ATAD2B: variants seen among roughly 807,000 people sequenced by gnomAD.
The protein encoded by ATAD2B is ATPase family AAA domain-containing protein 2B.
In ATAD2B, 40 loss-of-function variants were observed where a neutral mutation model predicts 167.6. The ratio of observed to expected loss-of-function variants is 0.24; its 90% CI spans 0.19 to 0.31. The LOEUF (loss-of-function observed/expected upper bound fraction) is 0.31. ATAD2B is among the 10% of genes least tolerant of loss of function. ATAD2B has a pLI of 1.00. For missense variants in ATAD2B, 1,242 were observed against 1,757.2 expected (o/e 0.71, Z 5.24); for synonymous variants, 579 against 596.5 (o/e 0.97, Z 0.43).
the ATAD2B span, among the ~76,000 whole-genome samples, chr2:23,725,720 C>G: frequency 2.4e-4 from 36 of 152,178 alleles, no homozygotes; most frequent in Admixed American, 1.0e-3. Flanking sequence ...GAATAAGAAA[C>G]AGAGGAGACA....
At position 23,899,907 on chromosome 2, in the gene ATAD2B, C is replaced by G. The variant is rs551779228; in HGVS notation, c.217-3937G>C. Among the ~76,000 whole-genome samples the G allele has an allele frequency of 9.1e-4, 132 of 144,628 alleles. 1 individual carries two copies. The highest frequency in any genetic ancestry group is 3.3e-3 in the African/African-American group (131 of 39,630). The allele number at this position is 144,628 out of a possible 152,430, so 94.9% of individuals were successfully genotyped here. On this transcript the variant is annotated intron_variant, in intron 1 of 27. Transcript: ENST00000238789. ...CCCAGTAGTCCTTTCATTTCTAATACAGTTTTCTTACTTTTTTTTTTTTTT... is the reference window on the plus strand; with the variant it reads ...CCCAGTAGTCCTTTCATTTCTAATAGAGTTTTCTTACTTTTTTTTTTTTTT...
chr2:23,918,202 C>CAA (rs35163952), intron 1 of ATAD2B, among the ~76,000 whole-genome samples: 18,157 of 95,832 alleles, frequency 0.19, 1,818 homozygotes, highest in African/African-American at 0.24. Context: ...CTTGTCTCTA[C>CAA]AAAAAAAAAA....
downstream of ATAD2B, among the ~76,000 whole-genome samples, chr2:23,745,417 G>GAAGA (rs1558476184): frequency 1.2e-3 from 141 of 113,408 alleles, no homozygotes; most frequent in Admixed American, 2.8e-3. Context: ...AGGAAGGAAG[G>GAAGA]AAGGAAAGGG....
chr2:23,818,989 T>A (rs1687024497), intron 17 of ATAD2B, among the ~76,000 whole-genome samples: 1 of 152,212 alleles, frequency 6.6e-6, no homozygotes, highest in African/African-American at 2.4e-5. Flanking sequence ...TACTGAACAA[T>A]TTCTAAATCG....
At chr2:23,917,615 T>C (rs1315074144) in intron 1 of ATAD2B, among the ~76,000 whole-genome samples, 8 of 151,792 alleles carry the variant, frequency 5.3e-5, no homozygotes, top group Admixed American at 3.3e-4. Context: ...TTTTTTTTTT[T>C]CCCAAAGCCA....
intron 1 of ATAD2B, among the ~76,000 whole-genome samples, chr2:23,922,003 A>G (rs17046004): frequency 0.19 from 28,155 of 152,096 alleles, 2,697 homozygotes; most frequent in Middle Eastern, 0.26. Context: ...GAAAAGCACA[A>G]GGTGATAAAA....
the ATAD2B span, among the ~76,000 whole-genome samples, chr2:23,721,571 T>C: frequency 6.6e-6 from 1 of 151,854 alleles, no homozygotes; most frequent in Non-Finnish European, 1.5e-5. Flanking sequence ...CAGGCAGACA[T>C]ACCCCCAGGC....
chr2:23,904,573 T>A (rs1258087925), intron 1 of ATAD2B, among the ~76,000 whole-genome samples: 16 of 147,916 alleles, frequency 1.1e-4, no homozygotes, highest in African/African-American at 4.0e-4. Flanking sequence ...AAAGACAACC[T>A]GGCTTCTTAT....
the ATAD2B span, among the ~76,000 whole-genome samples, chr2:23,677,999 C>G: frequency 6.6e-6 from 1 of 152,252 alleles, no homozygotes; most frequent in Admixed American, 6.5e-5. Context: ...ATGGACTTCT[C>G]TGCTGCAAAG....
At chr2:23,712,123 A>T in the ATAD2B span, among the ~76,000 whole-genome samples, 1 of 152,164 alleles carries the variant, frequency 6.6e-6, no homozygotes, top group African/African-American at 2.4e-5. Flanking sequence ...GACCTTAAGC[A>T]GAGAGCAGGT....
At chr2:23,903,226 A>G (rs1701041796) in intron 1 of ATAD2B, among the ~76,000 whole-genome samples, 1 of 143,522 alleles carries the variant, frequency 7.0e-6, no homozygotes, top group African/African-American at 2.5e-5. Flanking sequence ...ACAGAGCAAG[A>G]CTGTGTCTCA....
intron 18 of ATAD2B, 69 bp downstream of exon 18, chr2:23,810,247 A>C: frequency 7.3e-7 from 1 of 1,372,246 alleles, no homozygotes; most frequent in Non-Finnish European, 1.0e-6. Context: ...TTAACACTAC[A>C]CACTAGAAAT....
chr2:23,786,293 A>G (rs9636434), intron 20 of ATAD2B, 70 bp from the exon 21 acceptor site: 508,518 of 1,225,292 alleles, frequency 0.42, 112,526 homozygotes, highest in East Asian at 0.67. Context: ...GCATTCTCTC[A>G]AAATGTTCTT....
At position 23,820,629 on chromosome 2, in the gene ATAD2B, G is replaced by A. The variant is rs533336584; in HGVS notation, c.2132-747C>T. 1.2e-4 allele frequency among the ~76,000 whole-genome samples: 18 copies of A among 152,258 alleles called. No homozygotes were observed. In the East Asian group the frequency reaches 3.5e-3, roughly 29 times the overall value. On this transcript the variant is annotated intron_variant, in intron 16 of 27. Coordinates refer to ENST00000238789, the MANE Select transcript of ATAD2B (RefSeq NM_017552.4). Reference sequence around the variant, plus strand: ...GGATATGAGAGAGAATTAAGATTAAGAGAAATCATATCCTTTCAAAATAAA... The same window carrying A: ...GGATATGAGAGAGAATTAAGATTAAAAGAAATCATATCCTTTCAAAATAAA...
intron 1 of ATAD2B, among the ~76,000 whole-genome samples, chr2:23,923,136 T>C (rs1704203414): frequency 1.3e-5 from 2 of 152,146 alleles, no homozygotes; most frequent in South Asian, 4.1e-4. Context: ...GTAGAAAACG[T>C]GGTGTACATG....
intron 18 of ATAD2B, among the ~76,000 whole-genome samples, chr2:23,805,073 G>A (rs1487519593): frequency 6.6e-6 from 1 of 151,548 alleles, no homozygotes; most frequent in South Asian, 2.1e-4. Flanking sequence ...AACCCGGGAG[G>A]CGGAGGTTGC....
chr2:23,855,108 C>T (rs966411372), intron 13 of ATAD2B, among the ~76,000 whole-genome samples: 6 of 151,724 alleles, frequency 4.0e-5, no homozygotes, highest in East Asian at 1.9e-4. Context: ...CCAGGAGAAT[C>T]GCTTCAATGC....
chr2:23,863,341 C>G (rs1250059002), intron 12 of ATAD2B, 40 bp downstream of exon 12: 1 of 1,531,972 alleles, frequency 6.5e-7, no homozygotes, highest in Non-Finnish European at 8.8e-7. Flanking sequence ...AAGAACAGAA[C>G]AGAACAGAAA....
the ATAD2B span, chr2:23,684,527 C>G: frequency 6.5e-7 from 1 of 1,547,408 alleles, no homozygotes; most frequent in South Asian, 1.2e-5. The surrounding 1 kb of genome is among the most constrained non-coding windows in gnomAD (Gnocchi z 4.4). Flanking sequence ...TTTCAAGGAC[C>G]TGATTCAAAG....
Sources: allele counts gnomAD v4.1 joint callset (sites outside exome capture counted in the v4.1 genomes callset), GRCh38; gene constraint gnomAD v4.1.1; non-coding constraint Gnocchi (gnomAD v3.1); transcripts MANE v1.5; gene names NCBI Gene and HGNC (gene_info 2026-07-23, HGNC 2026-07-21).